The following IPP variants were observed in gnomAD, a reference collection of about 807,000 sequenced individuals.
The protein encoded by IPP is actin-binding protein IPP.
Under a neutral mutation model 64.1 loss-of-function variants are expected in IPP, and 41 were observed. The observed-to-expected ratio is 0.64, with a 90% CI of 0.50 to 0.83. IPP has a LOEUF of 0.83. Ranked by LOEUF, IPP falls within the 40% of genes least tolerant of loss-of-function variation. The pLI is 0.00. For missense variants in IPP, 649 were observed against 703.0 expected, an observed-to-expected ratio of 0.92 and a Z score of 0.87; for synonymous variants, 214 against 235.2, an observed-to-expected ratio of 0.91 and a Z score of 0.83.
intron 2 of IPP, among the ~76,000 whole-genome samples, chr1:45,744,852 A>T (rs564776337): frequency 3.3e-4 from 41 of 122,588 alleles, no homozygotes; most frequent in Admixed American, 1.2e-3. Context: ...AAAAAAAAAA[A>T]TTTTTTTTTA....
intron 1 of IPP, among the ~76,000 whole-genome samples, chr1:45,748,826 C>T (rs1016283126): frequency 2.6e-5 from 4 of 151,878 alleles, no homozygotes; most frequent in African/African-American, 9.7e-5. Context: ...CAAAAAATTA[C>T]CCAGTCATGG....
chr1:45,748,766 G>C (rs888667307), intron 1 of IPP, among the ~76,000 whole-genome samples: 1 of 152,102 alleles, frequency 6.6e-6, no homozygotes, highest in Admixed American at 6.6e-5. Flanking sequence ...GAGGTCAGGC[G>C]TTCAGGACCA....
chr1:45,741,247 G>A lies in IPP; in HGVS notation c.378C>T (p.Cys126=). The change falls in exon 3 of 9, where the codon TGC becomes TGT. Residue 126 remains cysteine, a synonymous_variant. Transcript: ENST00000396478. ...CAATTTGTCCTTTCAGAAATTCACA[G>A]CAAAGATGAACAACTTCAGTCAACT... is the stretch of plus-strand genomic sequence containing the variant. ...MLQLTEVVHL[C]CEFLKGQIDP... is the part of the protein sequence containing the mutation. 1 of 1,614,014 alleles carries A rather than the reference G, an allele frequency of 6.2e-7. No individual in the cohort carries two copies. Among genetic ancestry groups the A allele is most frequent in the Non-Finnish European group, 8.5e-7 (1 of 1,179,922 alleles).
chr1:45,702,511 G>C (rs1645468569), intron 8 of IPP, among the ~76,000 whole-genome samples: 1 of 152,178 alleles, frequency 6.6e-6, no homozygotes, highest in South Asian at 2.1e-4. Context: ...CTGGAGTGCA[G>C]TGACATGATC....
chr1:45,729,535 G>T, intron 4 of IPP, 79 bp downstream of exon 4: 1 of 1,077,142 alleles, frequency 9.3e-7, no homozygotes, highest in Non-Finnish European at 1.4e-6. Context: ...GACATGTATA[G>T]TAATAACAAC....
chr1:45,712,294 C>A, intron 8 of IPP, among the ~76,000 whole-genome samples: 2 of 94,630 alleles, frequency 2.1e-5, no homozygotes. Flanking sequence ...AGCAAGACGA[C>A]GTCTAAAAAA....
chr1:45,733,995 T>TA (rs1442054042), intron 3 of IPP, among the ~76,000 whole-genome samples: 1 of 151,568 alleles, frequency 6.6e-6, no homozygotes, highest in African/African-American at 2.4e-5. Flanking sequence ...CAATGCATAT[T>TA]AAAAAAAATC....
At chr1:45,729,827 A>C in intron 3 of IPP, 58 bp from the exon 4 acceptor site, 1 of 987,710 alleles carries the variant, frequency 1.0e-6, no homozygotes, top group Non-Finnish European at 1.5e-6. Flanking sequence ...TATTGAAAAA[A>C]CACATTTCTA....
intron 8 of IPP, among the ~76,000 whole-genome samples, chr1:45,708,678 C>T (rs1323948633): frequency 7.9e-6 from 1 of 127,312 alleles, no homozygotes; most frequent in African/African-American, 3.0e-5. Context: ...AAACTCACCT[C>T]CAAAAAAAAA....
In IPP at chr1:45,702,070, T is replaced by C. The variant is rs926486004; in HGVS notation, c.1531-1880A>G. 3.3e-5 allele frequency among the ~76,000 whole-genome samples: 5 copies of C among 152,206 alleles called. No homozygotes were observed. The East Asian group carries it at 9.6e-4, about 29-fold the overall frequency. ...ATACATTCTCAAGAAGATCCATTTC[T>C]GGTTAAGATAAATTAGGATAATTTA... On this transcript the variant is annotated intron_variant, in intron 8 of 8. Coordinates refer to ENST00000396478, the MANE Select transcript of IPP (RefSeq NM_005897.3).
At chr1:45,737,163 C>G (rs973692286) in intron 3 of IPP, among the ~76,000 whole-genome samples, 8 of 151,918 alleles carry the variant, frequency 5.3e-5, no homozygotes, top group African/African-American at 1.7e-4. Flanking sequence ...CTTGGAAAAA[C>G]CAACTCAGTC....
At chr1:45,716,820 G>A (rs1166133441) in intron 7 of IPP, 75 bp downstream of exon 7, 2 of 1,295,416 alleles carry the variant, frequency 1.5e-6, no homozygotes, top group Non-Finnish European at 2.2e-6. Context: ...ATATACTTTT[G>A]TGAAAATAAG....
In IPP at chr1:45,719,308, C is replaced by A; in HGVS notation, c.1081G>T (p.Glu361Ter). ...EKDSMIFDCT[E>*]CYDPVTKQWT... Reference sequence around the variant, plus strand: ...TGTTTAGTAACTGGATCATAGCATTCAGTACAATCAAAAATCATTGAATCC... The same window carrying A: ...TGTTTAGTAACTGGATCATAGCATTAAGTACAATCAAAAATCATTGAATCC... The change falls in exon 6 of 9, where the codon GAA (glutamate) becomes TAA (stop). Residue 361 changes from glutamate to a stop codon, truncating the protein, a stop_gained. Coordinates refer to ENST00000396478, the MANE Select transcript of IPP (RefSeq NM_005897.3). LOFTEE classifies it high-confidence loss of function. The A allele has an allele frequency of 6.2e-7, 1 of 1,600,908 alleles. No individual in the cohort carries two copies.
chr1:45,711,345 C>CA (rs199707771), intron 8 of IPP, among the ~76,000 whole-genome samples: 4 of 151,004 alleles, frequency 2.6e-5, no homozygotes, highest in Non-Finnish European at 4.4e-5. Context: ...CGTCTCAAAA[C>CA]AAAAAACAAA....
chr1:45,722,973 G>A (rs1346019181), intron 5 of IPP, among the ~76,000 whole-genome samples: 15 of 152,228 alleles, frequency 9.9e-5, no homozygotes, highest in Admixed American at 9.8e-4. Flanking sequence ...TAGGAGGAGA[G>A]ATGGGAAGTG....
At position 45,712,186 on chromosome 1, in the gene IPP, C is replaced by T. The variant is rs113577465; in HGVS notation, c.1530+2060G>A. Among the ~76,000 whole-genome samples the T allele has an allele frequency of 1.3e-3, 204 of 151,560 alleles. 4 individuals are homozygous for T. The highest frequency in any genetic ancestry group is 4.8e-3 in the African/African-American group (197 of 41,324). On this transcript the variant is annotated intron_variant, in intron 8 of 8. Transcript: ENST00000396478. Reference sequence around the variant, plus strand: ...TACAAAAATCAACCAGGCATGGTGGCGCGTGCCTGTAATCCCAGCTACTCG... The same window carrying T: ...TACAAAAATCAACCAGGCATGGTGGTGCGTGCCTGTAATCCCAGCTACTCG...
At chr1:45,717,502 C>A (rs1230295812) in intron 6 of IPP, among the ~76,000 whole-genome samples, 1 of 144,212 alleles carries the variant, frequency 6.9e-6, no homozygotes, top group African/African-American at 2.5e-5. Flanking sequence ...TTTCTTAACA[C>A]TCTCCAATTC....
At chr1:45,725,288 G>A (rs1313927878) in intron 5 of IPP, among the ~76,000 whole-genome samples, 12 of 137,548 alleles carry the variant, frequency 8.7e-5, no homozygotes, top group Middle Eastern at 4.4e-3. Flanking sequence ...CCCCTACTGG[G>A]AAGTGAGGAG....
intron 3 of IPP, among the ~76,000 whole-genome samples, chr1:45,730,741 A>G (rs948148577): frequency 3.9e-5 from 6 of 152,242 alleles, no homozygotes; most frequent in Admixed American, 2.6e-4. Flanking sequence ...ATTGTCTCCT[A>G]TCCTTCCATC....
Sources: allele counts gnomAD v4.1 joint callset (sites outside exome capture counted in the v4.1 genomes callset), GRCh38; gene constraint gnomAD v4.1.1; transcripts MANE v1.5; gene names NCBI Gene and HGNC (gene_info 2026-07-23, HGNC 2026-07-21).